QTMAN: variants seen among roughly 807,000 people sequenced by gnomAD.
QTMAN encodes the protein queuosine-tRNA mannosyltransferase, also known as tRNA-queuosine alpha-mannosyltransferase.
the QTMAN span, among the ~76,000 whole-genome samples, chr2:144,262,810 G>A: frequency 1.3e-5 from 1 of 79,690 alleles, no homozygotes; most frequent in Non-Finnish European, 2.5e-5. Flanking sequence ...TGAGATGGGA[G>A]GAGAGGGGAG....
At chr2:144,267,936 G>C in the QTMAN span, among the ~76,000 whole-genome samples, 1 of 152,188 alleles carries the variant, frequency 6.6e-6, no homozygotes, top group Admixed American at 6.5e-5. Context: ...CTTATCCCCA[G>C]TGTGATGGTA....
chr2:144,067,581 C>T, the QTMAN span, among the ~76,000 whole-genome samples: 14 of 152,178 alleles, frequency 9.2e-5, no homozygotes, highest in African/African-American at 3.4e-4. Context: ...TATCCCATCA[C>T]ATTATAAATA....
the QTMAN span, among the ~76,000 whole-genome samples, chr2:144,284,198 A>C: frequency 6.6e-6 from 1 of 152,020 alleles, no homozygotes; most frequent in Non-Finnish European, 1.5e-5. Flanking sequence ...TTAATCAAAG[A>C]CCTTAAAAAT....
the QTMAN span, among the ~76,000 whole-genome samples, chr2:144,217,819 G>A: frequency 5.3e-5 from 8 of 152,174 alleles, no homozygotes; most frequent in Admixed American, 2.6e-4. Context: ...AGTCAGCCAC[G>A]TAGCCGCATT....
At chr2:144,111,164 C>T in the QTMAN span, among the ~76,000 whole-genome samples, 1 of 151,244 alleles carries the variant, frequency 6.6e-6, no homozygotes, top group East Asian at 2.0e-4. Flanking sequence ...GCCTGTCATA[C>T]CCAAAACCAC....
the QTMAN span, chr2:144,141,783 T>G: frequency 7.1e-6 from 6 of 846,504 alleles, no homozygotes; most frequent in Non-Finnish European, 9.4e-6. Context: ...TAACCATACT[T>G]ATGCTAAAAA....
At chr2:144,046,911 C>T in the QTMAN span, among the ~76,000 whole-genome samples, 1 of 152,176 alleles carries the variant, frequency 6.6e-6, no homozygotes, top group Non-Finnish European at 1.5e-5. Flanking sequence ...AATCTGGACT[C>T]ATCTTGCTTA....
chr2:144,314,995 T>G, the QTMAN span, among the ~76,000 whole-genome samples: 1 of 152,108 alleles, frequency 6.6e-6, no homozygotes, highest in Admixed American at 6.5e-5. Context: ...AAGCGATCCT[T>G]GTGCCTCAGC....
the QTMAN span, among the ~76,000 whole-genome samples, chr2:144,117,786 T>C: frequency 6.6e-6 from 1 of 151,920 alleles, no homozygotes; most frequent in Non-Finnish European, 1.5e-5. Context: ...TAATGTGAAG[T>C]ATTTTAAAGT....
the QTMAN span, among the ~76,000 whole-genome samples, chr2:143,978,013 T>G: frequency 5.3e-5 from 8 of 152,224 alleles, no homozygotes; most frequent in Admixed American, 5.2e-4. Context: ...TAATACTTAT[T>G]GACAAGAAAG....
chr2:143,990,248 C>A, the QTMAN span, among the ~76,000 whole-genome samples: 2 of 151,942 alleles, frequency 1.3e-5, no homozygotes, highest in African/African-American at 2.4e-5. Context: ...CTCAGAAGTT[C>A]TAGTTTAATT....
chr2:144,257,475 G>A, the QTMAN span, among the ~76,000 whole-genome samples: 1 of 151,944 alleles, frequency 6.6e-6, no homozygotes, highest in Non-Finnish European at 1.5e-5. Flanking sequence ...TGCCAAAAGG[G>A]GTCAAAGAGA....
chr2:144,088,587 T>G, the QTMAN span, among the ~76,000 whole-genome samples: 2 of 152,062 alleles, frequency 1.3e-5, no homozygotes, highest in African/African-American at 4.8e-5. Context: ...AAGTCTACAG[T>G]AAACAGAACA....
chr2:144,062,922 C>A, the QTMAN span, among the ~76,000 whole-genome samples: 2 of 152,086 alleles, frequency 1.3e-5, no homozygotes, highest in Non-Finnish European at 2.9e-5. Flanking sequence ...AGTTCCTGTA[C>A]CCTCCCCTTC....
At chr2:144,056,820 C>A in the QTMAN span, among the ~76,000 whole-genome samples, 1 of 152,190 alleles carries the variant, frequency 6.6e-6, no homozygotes, top group African/African-American at 2.4e-5. Context: ...CTATAAAAAA[C>A]AAGCCAAGTA....
At chr2:143,959,606 G>T in the QTMAN span, among the ~76,000 whole-genome samples, 1 of 151,978 alleles carries the variant, frequency 6.6e-6, no homozygotes, top group Non-Finnish European at 1.5e-5. Context: ...TTAATCTCAG[G>T]AGTTTTGTCA....
chr2:144,314,696 GAGTA>G, the QTMAN span, among the ~76,000 whole-genome samples: 1 of 152,146 alleles, frequency 6.6e-6, no homozygotes, highest in African/African-American at 2.4e-5. Context: ...CTGGGTGACA[GAGTA>G]AGACTCCGTC....
chr2:144,325,294 G>A, the QTMAN span, among the ~76,000 whole-genome samples: 1 of 152,150 alleles, frequency 6.6e-6, no homozygotes, highest in Non-Finnish European at 1.5e-5. Flanking sequence ...ACAGGAAGGT[G>A]ACAAAATGGA....
At chr2:144,158,980 A>T in the QTMAN span, among the ~76,000 whole-genome samples, 1 of 152,044 alleles carries the variant, frequency 6.6e-6, no homozygotes, top group South Asian at 2.1e-4. Flanking sequence ...ACTTTCTGGC[A>T]TTTAAAATAA....
Sources: allele counts gnomAD v4.1 joint callset (sites outside exome capture counted in the v4.1 genomes callset), GRCh38; gene constraint gnomAD v4.1.1; transcripts MANE v1.5; gene names NCBI Gene and HGNC (gene_info 2026-07-23, HGNC 2026-07-21).